Variants in TNIK observed in about 807,000 individuals in gnomAD.
The protein encoded by TNIK is TRAF2 and NCK interacting kinase.
TNIK carries 49 observed loss-of-function variants against 191.3 expected under a neutral mutation model. The ratio of observed to expected loss-of-function variants is 0.26; its 90% CI spans 0.20 to 0.32. The LOEUF (loss-of-function observed/expected upper bound fraction) is 0.32, where lower values mean the gene tolerates loss of function less well. TNIK is among the 10% of genes least tolerant of loss of function. The pLI is 1.00. For missense variants in TNIK, 1,155 were observed against 1,702.3 expected (o/e 0.68, Z 5.66); for synonymous variants, 594 against 600.9 (o/e 0.99, Z 0.17).
At position 171,433,851 on chromosome 3, in the gene TNIK, A is replaced by G. The variant is rs190867794; in HGVS notation, c.57+26156T>C. Among the ~76,000 whole-genome samples, 331 of 150,942 alleles carry G rather than the reference A, an allele frequency of 2.2e-3. 2 individuals carry two copies. The highest frequency in any genetic ancestry group is 7.6e-3 in the African/African-American group (311 of 41,098). Reference sequence around the variant, plus strand: ...TGTTAGGTTTTAATTTTTTCTTCATATAAGTCCTGCAGATTTCTTATTACA... The same window carrying G: ...TGTTAGGTTTTAATTTTTTCTTCATGTAAGTCCTGCAGATTTCTTATTACA... On this transcript the variant is annotated intron_variant, in intron 1 of 32. Coordinates refer to ENST00000436636, the MANE Select transcript of TNIK (RefSeq NM_015028.4).
chr3:171,306,367 A>G (rs1753455306), intron 2 of TNIK, among the ~76,000 whole-genome samples: 1 of 152,152 alleles, frequency 6.6e-6, no homozygotes, highest in East Asian at 1.9e-4. Context: ...AGCTAAAGTA[A>G]AAGTTAAAAT....
rs1018011707 is a variant in TNIK, at chr3:171,064,135, A to G, written c.4000-171T>C. 5.3e-6 allele frequency: 3 copies of G among 568,424 alleles called. No individual in the cohort carries two copies. The South Asian group carries it at 7.4e-5, about 14-fold the overall frequency. The allele number at this position is 568,424 out of a possible 1,614,324, so 35.2% of individuals were successfully genotyped here. ...TGGATATCGTGCATCCTATGTAAAA[A>G]CTCCTGCCTTTATTCCTAGGTTGTT... On this transcript the variant is annotated intron_variant, in intron 32 of 32. Transcript: ENST00000436636.
chr3:171,131,682 C>T (rs532063457), intron 15 of TNIK, among the ~76,000 whole-genome samples: 31 of 152,302 alleles, frequency 2.0e-4, no homozygotes, highest in African/African-American at 3.4e-4. Flanking sequence ...CATCTCATTA[C>T]GTACTTTGTC....
intron 17 of TNIK, among the ~76,000 whole-genome samples, chr3:171,124,783 T>C (rs78341937): frequency 6.6e-6 from 1 of 152,224 alleles, no homozygotes; most frequent in Non-Finnish European, 1.5e-5. Flanking sequence ...ACCTAAGTTT[T>C]TGAATTCATC....
intron 2 of TNIK, among the ~76,000 whole-genome samples, chr3:171,250,283 G>T (rs1271967939): frequency 6.6e-6 from 1 of 152,192 alleles, no homozygotes; most frequent in East Asian, 1.9e-4. Context: ...GACTGACCCA[G>T]TCTTGTTTGC....
chr3:171,066,880 C>A, intron 30 of TNIK, 145 bp from the exon 31 acceptor site: 1 of 967,432 alleles, frequency 1.0e-6, no homozygotes, highest in Non-Finnish European at 1.5e-6. Context: ...TAACCACTGA[C>A]TTGTAAAATA....
chr3:171,060,566 G>T lies in TNIK; in HGVS notation c.*3315C>A, dbSNP rs889801321. Among the ~76,000 whole-genome samples the T allele has an allele frequency of 1.6e-4, 25 of 152,164 alleles. No individual in the cohort carries two copies. Among genetic ancestry groups the T allele is most frequent in the Non-Finnish European group, 3.4e-4 (23 of 68,028 alleles). On this transcript the variant is annotated 3_prime_UTR_variant, in exon 33 of 33. Coordinates refer to ENST00000436636, the MANE Select transcript of TNIK (RefSeq NM_015028.4). ...TAGTTCTAGGTCTTCTTGAAGGATT[G>T]TTTAGAAGTCTCCAAGAAAAATAAT... is the stretch of plus-strand genomic sequence containing the variant.
chr3:171,381,215 G>C (rs1717987249), intron 1 of TNIK, among the ~76,000 whole-genome samples: 1 of 152,190 alleles, frequency 6.6e-6, no homozygotes, highest in Non-Finnish European at 1.5e-5. Context: ...GCAGACTCAA[G>C]AAGCTAAAGC....
intron 32 of TNIK, 72 bp downstream of exon 32, chr3:171,066,115 A>G: frequency 6.4e-7 from 1 of 1,572,654 alleles, no homozygotes; most frequent in African/African-American, 1.4e-5. Flanking sequence ...TATAAAGGAA[A>G]ATGAAGGTTT....
Position 171,059,059 on chromosome 3 carries a change from T to G in TNIK, c.*4822A>C, listed in dbSNP as rs1030193674. On this transcript the variant is annotated 3_prime_UTR_variant, in exon 33 of 33. Coordinates refer to ENST00000436636, the MANE Select transcript of TNIK (RefSeq NM_015028.4). ...ATGATCCATTGCCAGAAATGAAAAC[T>G]CACCTTTCCACCAGCATTTGCTCAG... Among the ~76,000 whole-genome samples the G allele has an allele frequency of 2.0e-5, 3 of 152,314 alleles. No individual in the cohort carries two copies. The highest frequency in any genetic ancestry group is 7.2e-5 in the African/African-American group (3 of 41,588).
intron 2 of TNIK, among the ~76,000 whole-genome samples, chr3:171,336,979 C>G (rs1315939670): frequency 6.6e-6 from 1 of 152,124 alleles, no homozygotes; most frequent in Non-Finnish European, 1.5e-5. Context: ...CCTGTGGAAG[C>G]CTCTGGATTC....
chr3:171,212,285 A>T (rs1740930425), intron 3 of TNIK, among the ~76,000 whole-genome samples: 1 of 151,774 alleles, frequency 6.6e-6, no homozygotes, highest in African/African-American at 2.4e-5. Flanking sequence ...TCTTCACATA[A>T]GCTCTACTCA....
chr3:171,094,499 C>G (rs12486611), intron 22 of TNIK, among the ~76,000 whole-genome samples: 1 of 152,162 alleles, frequency 6.6e-6, no homozygotes, highest in South Asian at 2.1e-4. Flanking sequence ...AGCATCCCCT[C>G]TTGACCTATT....
At chr3:171,124,860 G>A (rs1337924069) in intron 17 of TNIK, among the ~76,000 whole-genome samples, 1 of 152,226 alleles carries the variant, frequency 6.6e-6, no homozygotes, top group Admixed American at 6.5e-5. Flanking sequence ...AATAAATTCA[G>A]TTTTCAGCTT....
At chr3:171,439,576 T>C (rs1322191930) in intron 1 of TNIK, 2 of 152,132 alleles carry the variant, frequency 1.3e-5, no homozygotes, top group Non-Finnish European at 2.9e-5. Flanking sequence ...TAAATATTGG[T>C]ATTAAATTTT....
chr3:171,298,822 T>C (rs1460133146), intron 2 of TNIK, among the ~76,000 whole-genome samples: 1 of 152,182 alleles, frequency 6.6e-6, no homozygotes, highest in East Asian at 1.9e-4. Context: ...ATGTGTAAGG[T>C]CTAAAAGCCT....
rs1400511955 is a variant in TNIK at position 171,061,301 on chromosome 3, A to C, written c.*2580T>G. 1 of 152,210 alleles carries C rather than the reference A, an allele frequency of 6.6e-6. No homozygotes were observed. Among genetic ancestry groups the C allele is most frequent in the Non-Finnish European group, 1.5e-5 (1 of 68,038 alleles). 9.4% of individuals were successfully genotyped at this position (152,210 alleles called of 1,614,324 possible). A position where few individuals can be genotyped will look rare whatever the true frequency, so the allele number is the denominator to read the frequency against. On this transcript the variant is annotated 3_prime_UTR_variant, in exon 33 of 33. Transcript: ENST00000436636. ...TTAAATTTGGATTTGCCTTGTACTC[A>C]GTGTAAAATATTAGTACAAAAATAT...
intron 1 of TNIK, among the ~76,000 whole-genome samples, chr3:171,417,215 A>G (rs1444274832): frequency 1.3e-5 from 2 of 152,234 alleles, no homozygotes; most frequent in African/African-American, 4.8e-5. Context: ...TGAAGAAATT[A>G]TGAAATCAAG....
intron 2 of TNIK, among the ~76,000 whole-genome samples, chr3:171,346,384 T>C (rs1478643918): frequency 6.6e-6 from 1 of 152,274 alleles, no homozygotes; most frequent in South Asian, 2.1e-4. Flanking sequence ...GACTTGGATA[T>C]GTAAGTATGA....
Sources: gnomAD v4.1 joint callset for allele counts (sites outside exome capture counted in the v4.1 genomes callset) on GRCh38, gnomAD v4.1.1 for gene constraint, MANE v1.5 for transcripts, NCBI Gene and HGNC (gene_info 2026-07-23, HGNC 2026-07-21) for gene names.